TLR7: variants seen among roughly 807,000 people sequenced by gnomAD.
TLR7 encodes toll-like receptor 7.
Under a neutral mutation model 38.3 loss-of-function variants are expected in TLR7, and 12 were observed. The ratio of observed to expected loss-of-function variants is 0.31; its 90% confidence interval spans 0.20 to 0.51. The LOEUF (loss-of-function observed/expected upper bound fraction) is 0.51. Ranked by LOEUF, TLR7 falls within the 20% of genes least tolerant of loss-of-function variation. The pLI is 0.98. For missense variants in TLR7, 504 were observed against 743.4 expected (o/e 0.68, Z 3.74); for synonymous variants, 285 against 293.8 (o/e 0.97, Z 0.31).
Position 12,886,528 on chromosome X carries a change from C to T in TLR7, c.1020C>T (p.Pro340=). The change falls in exon 3 of 3, where the codon CCC becomes CCT. Residue 340 remains proline, a synonymous_variant. Transcript: ENST00000380659. The stretch of plus-strand genomic sequence containing the variant: ...ATGCTAAATTTCTGCATTTTCTCCC[C>T]AGCCTCATCCAATTGGATCTGTCTT... ...IGDAKFLHFL[P]SLIQLDLSFN... is the part of the protein sequence containing the mutation. 8.3e-7 allele frequency: 1 copy of T among 1,211,772 alleles called. No individual in the cohort carries two copies. Among genetic ancestry groups the T allele is most frequent in the African/African-American group, 1.7e-5 (1 of 57,873 alleles).
rs759605129 is a variant in TLR7 at position 12,888,929 on chromosome X, T to G, written c.*271T>G. 2 of 281,290 alleles carry G rather than the reference T, an allele frequency of 7.1e-6. No homozygotes were observed. Among genetic ancestry groups the G allele is most frequent in the Non-Finnish European group, 1.2e-5 (2 of 160,369 alleles). The allele number at this position is 281,290 out of a possible 1,213,427, so 23.2% of individuals were successfully genotyped here. A position where few individuals can be genotyped will look rare whatever the true frequency, so the allele number is the denominator to read the frequency against. ...GTAAAAGAGTGGCAAGTAAAAAACATGGGGCTCTGATTCTCCTGTAATTGT... is the reference window on the plus strand; with the variant it reads ...GTAAAAGAGTGGCAAGTAAAAAACAGGGGGCTCTGATTCTCCTGTAATTGT... On this transcript the variant is annotated 3_prime_UTR_variant, in exon 3 of 3. Transcript: ENST00000380659.
At position 12,888,403 on chromosome X, in the gene TLR7, A is replaced by G. The variant is rs760167499; in HGVS notation, c.2895A>G (p.Glu965=). 1.6e-6 allele frequency: 2 copies of G among 1,212,147 alleles called. No individual in the cohort carries two copies. Among genetic ancestry groups the G allele is most frequent in the South Asian group, 3.5e-5 (2 of 57,021 alleles). ...FVMTDKYAKT[E]NFKIAFYLSH... ...TGACAGACAAGTATGCAAAGACTGA[A>G]AATTTTAAGATAGCATTTTACTTGT... Residue 965 remains glutamate (E), a synonymous_variant, in exon 3 of 3, where the codon GAA becomes GAG. Transcript: ENST00000380659.
At chrX:12,874,194 T>C (rs1418553787) in intron 2 of TLR7, among the ~76,000 whole-genome samples, 1 of 110,135 alleles carries the variant, frequency 9.1e-6, no homozygotes, top group Non-Finnish European at 1.9e-5. Context: ...GTGGCGGCTG[T>C]CTGTAATCCC....
intron 2 of TLR7, among the ~76,000 whole-genome samples, chrX:12,882,977 T>C: frequency 8.9e-6 from 1 of 111,847 alleles, no homozygotes; most frequent in Non-Finnish European, 1.9e-5. Flanking sequence ...AATATCACTC[T>C]GGGCAGCATT....
intron 2 of TLR7, 112 bp from the exon 3 acceptor site, chrX:12,885,400 C>A: frequency 1.4e-6 from 1 of 693,498 alleles, no homozygotes; most frequent in Non-Finnish European, 2.2e-6. Context: ...GAAAATAAGA[C>A]CTGAATTGTT....
chrX:12,886,451 A>G lies in TLR7; in HGVS notation c.943A>G (p.Lys315Glu). 1 of 1,212,100 alleles carries G rather than the reference A, an allele frequency of 8.3e-7. No homozygotes were observed. Among genetic ancestry groups the G allele is most frequent in the Non-Finnish European group, 1.1e-6 (1 of 895,601 alleles). Residue 315 changes from lysine (K) to glutamate (E), a missense_variant, in exon 3 of 3, where the codon AAA becomes GAA. Physicochemically the swap from Lys to Glu is moderately conservative, Grantham distance 56. Coordinates refer to ENST00000380659, the MANE Select transcript of TLR7 (RefSeq NM_016562.4). ...VPPRWFKNINKLQELDLSQNF... is the reference protein window; with the variant it reads ...VPPRWFKNINELQELDLSQNF... ...CCCAAGATGGTTTAAGAACATCAAC[A>G]AACTCCAGGAACTGGATCTGTCCCA...
rs539539482 is a variant in TLR7 at position 12,872,292 on chromosome X, A to T, written c.3+4711A>T. 3.9e-4 allele frequency among the ~76,000 whole-genome samples: 44 copies of T among 111,810 alleles called. 2 individuals are homozygous for T. In the South Asian group the frequency reaches 0.014, roughly 36 times the overall value. ...GGTCCAGGAGTTGACTGGACTCATT[A>T]GGCAGCTCTCCCACAGGGTCTCTCT... is the stretch of plus-strand genomic sequence containing the variant. On this transcript the variant is annotated intron_variant, in intron 2 of 2. Coordinates refer to ENST00000380659, the MANE Select transcript of TLR7 (RefSeq NM_016562.4).
At position 12,886,097 on chromosome X, in the gene TLR7, A is replaced by G; in HGVS notation, c.589A>G (p.Lys197Glu). ...TTGTTATGTTTCATATTCAATAGAGAAAGATGCCTTCCTAAACTTGACAAA... is the reference window on the plus strand; with the variant it reads ...TTGTTATGTTTCATATTCAATAGAGGAAGATGCCTTCCTAAACTTGACAAA... ...NPCYVSYSIEKDAFLNLTKLK... is the reference protein window; with the variant it reads ...NPCYVSYSIEEDAFLNLTKLK... The change falls in exon 3 of 3, where the codon AAA becomes GAA. Residue 197 changes from lysine (K) to glutamate (E), a missense_variant. Lys to Glu is a moderately conservative substitution (Grantham distance 56, BLOSUM62 1). Transcript: ENST00000380659. 1 of 1,211,626 alleles carries G rather than the reference A, an allele frequency of 8.3e-7. No individual in the cohort carries two copies. Among genetic ancestry groups the G allele is most frequent in the Non-Finnish European group, 1.1e-6 (1 of 895,173 alleles).
intron 2 of TLR7, among the ~76,000 whole-genome samples, chrX:12,880,443 A>G (rs1416659029): frequency 1.8e-5 from 2 of 111,693 alleles, no homozygotes; most frequent in East Asian, 5.6e-4. Flanking sequence ...GGGAGTGATT[A>G]CTTCTGTCTG....
At position 12,886,356 on chromosome X, in the gene TLR7, T is replaced by C. The variant is rs765278612; in HGVS notation, c.848T>C (p.Val283Ala). The part of the protein sequence containing the change: ...CKNNSPLQIP[V>A]NAFDALTELK... ...AATAATTCTCCCCTACAGATCCCTG[T>C]AAATGCTTTTGATGCGCTGACAGAA... Residue 283 changes from valine to alanine, a missense_variant, in exon 3 of 3, where the codon GTA (valine) becomes GCA (alanine). By Grantham distance (64) the Val-to-Ala change is moderately conservative (BLOSUM62 0). Coordinates refer to ENST00000380659, the MANE Select transcript of TLR7 (RefSeq NM_016562.4). The C allele has an allele frequency of 8.3e-6, 10 of 1,212,062 alleles. No individual in the cohort carries two copies. The Admixed American group carries it at 1.7e-4, about 21-fold the overall frequency.
intron 2 of TLR7, chrX:12,877,491 C>A (rs2042876721): frequency 1.8e-5 from 2 of 110,642 alleles, no homozygotes; most frequent in African/African-American, 6.6e-5. Flanking sequence ...TTGCTGGGAT[C>A]TCCGAGTTCC....
rs752972366 is a variant in TLR7 at position 12,886,420 on chromosome X, T to C, written c.912T>C (p.His304=). The C allele has an allele frequency of 8.3e-7, 1 of 1,212,076 alleles. No individual in the cohort carries two copies. Among genetic ancestry groups the C allele is most frequent in the African/African-American group, 1.7e-5 (1 of 57,950 alleles). The change falls in exon 3 of 3, where the codon CAT becomes CAC. Residue 304 remains histidine, a synonymous_variant. Transcript: ENST00000380659. ...VLRLHSNSLQ[H]VPPRWFKNIN... is the part of the protein sequence containing the mutation. Reference sequence around the variant, plus strand: ...GTCTACACAGTAACTCTCTTCAGCATGTGCCCCCAAGATGGTTTAAGAACA... The same window carrying C: ...GTCTACACAGTAACTCTCTTCAGCACGTGCCCCCAAGATGGTTTAAGAACA...
At chrX:12,876,117 C>T (rs906198466) in intron 2 of TLR7, among the ~76,000 whole-genome samples, 1 of 110,589 alleles carries the variant, frequency 9.0e-6, no homozygotes, top group Non-Finnish European at 1.9e-5. Flanking sequence ...TGCCACCATG[C>T]CCGGCTAATT....
At position 12,876,073 on chromosome X, in the gene TLR7, G is replaced by A. The variant is rs551804743; in HGVS notation, c.3+8492G>A. 9.2e-5 allele frequency among the ~76,000 whole-genome samples: 10 copies of A among 108,661 alleles called. No individual in the cohort carries two copies. The South Asian group carries it at 2.0e-3, about 22-fold the overall frequency. 94.4% of individuals were successfully genotyped at this position (108,661 alleles called of 115,157 possible). A position where few individuals can be genotyped will look rare whatever the true frequency, so the allele number is the denominator to read the frequency against. On this transcript the variant is annotated intron_variant, in intron 2 of 2. Transcript: ENST00000380659. ...TCCCGAGTTCAAGCAATTCTCCTGC[G>A]TCAGCCTCCTGAGTAGCTGGGATTA...
chrX:12,888,624 T>C lies in TLR7; in HGVS notation c.3116T>C (p.Val1039Ala). ...AACGCCCTGGCCACAGACAATCATG[T>C]GGCCTATAGTCAGGTGTTCAAGGAA... ...LKNALATDNH[V>A]AYSQVFKETV The change falls in exon 3 of 3, where the codon GTG becomes GCG. Residue 1039 changes from valine to alanine, a missense_variant. Coordinates refer to ENST00000380659, the MANE Select transcript of TLR7 (RefSeq NM_016562.4). 1 of 1,208,757 alleles carries C rather than the reference T, an allele frequency of 8.3e-7. No individual in the cohort carries two copies. The highest frequency in any genetic ancestry group is 1.1e-6 in the Non-Finnish European group (1 of 894,293).
At chrX:12,869,715 T>A (rs1336612182) in intron 2 of TLR7, among the ~76,000 whole-genome samples, 1 of 108,006 alleles carries the variant, frequency 9.3e-6, no homozygotes, top group Non-Finnish European at 1.9e-5. Context: ...AACCTGCACA[T>A]CCTGCACATG....
chrX:12,867,606 A>C, intron 2 of TLR7, 25 bp downstream of exon 2: 1 of 1,194,845 alleles, frequency 8.4e-7, no homozygotes, highest in Non-Finnish European at 1.1e-6. Flanking sequence ...GAGAACCTTA[A>C]AAAGTGTTAT....
At chrX:12,874,962 G>GTTT (rs11397372) in intron 2 of TLR7, among the ~76,000 whole-genome samples, 2 of 101,970 alleles carry the variant, frequency 2.0e-5, no homozygotes, top group Middle Eastern at 5.0e-3. Flanking sequence ...CTTGGTAAAT[G>GTTT]TTTTTTTTTT....
chrX:12,880,197 T>G (rs1013171640), intron 2 of TLR7, among the ~76,000 whole-genome samples: 18 of 112,108 alleles, frequency 1.6e-4, no homozygotes, highest in African/African-American at 5.8e-4. Flanking sequence ...TATGAGTCAG[T>G]AGATACATAT....
Sources: gnomAD v4.1 joint callset for allele counts (sites outside exome capture counted in the v4.1 genomes callset) on GRCh38, gnomAD v4.1.1 for gene constraint, MANE v1.5 for transcripts, NCBI Gene and HGNC (gene_info 2026-07-23, HGNC 2026-07-21) for gene names.